LYPLAL1: variants seen among roughly 807,000 people sequenced by gnomAD.
LYPLAL1 encodes lysophospholipase-like protein 1.
Under a neutral mutation model 19.7 loss-of-function variants are expected in LYPLAL1, and 23 were observed. The observed-to-expected ratio is 1.17, with a 90% CI of 0.84 to 1.65. The LOEUF (loss-of-function observed/expected upper bound fraction) is 1.65. Among genes scored for constraint, LYPLAL1 ranks in the 40% most tolerant of loss-of-function variants. The pLI, the probability that LYPLAL1 is intolerant of heterozygous loss-of-function variation, is 0.00. For synonymous variants in LYPLAL1, 119 were observed against 96.3 expected, an observed-to-expected ratio of 1.24 and a Z score of -1.38; for missense variants, 355 against 279.4, an observed-to-expected ratio of 1.27 and a Z score of -1.93.
At chr1:219,237,640 T>A in the LYPLAL1 span, among the ~76,000 whole-genome samples, 43 of 152,344 alleles carry the variant, frequency 2.8e-4, no homozygotes, top group African/African-American at 1.0e-3. Flanking sequence ...AGTTTTTGTC[T>A]GTTTGTTGTT....
intron 3 of LYPLAL1, among the ~76,000 whole-genome samples, chr1:219,205,415 A>G (rs932396426): frequency 6.6e-6 from 1 of 152,050 alleles, no homozygotes; most frequent in Non-Finnish European, 1.5e-5. Flanking sequence ...TATGTGTTCA[A>G]TTAAAAATAA....
chr1:219,346,534 C>T, the LYPLAL1 span, among the ~76,000 whole-genome samples: 4 of 147,824 alleles, frequency 2.7e-5, no homozygotes, highest in Non-Finnish European at 5.9e-5. Context: ...CATAAGAGGG[C>T]TTTGGTACTG....
intron 2 of LYPLAL1, chr1:219,179,464 AAGC>A: frequency 2.2e-6 from 1 of 464,660 alleles, no homozygotes; most frequent in Non-Finnish European, 3.8e-6. Flanking sequence ...GCATTCCCTA[AAGC>A]TCTGAATTTA....
At chr1:219,372,731 C>T in the LYPLAL1 span, among the ~76,000 whole-genome samples, 1 of 151,902 alleles carries the variant, frequency 6.6e-6, no homozygotes, top group Non-Finnish European at 1.5e-5. Flanking sequence ...GAAACCCTGC[C>T]TCTACAAAAA....
intron 3 of LYPLAL1, among the ~76,000 whole-genome samples, chr1:219,202,792 C>G (rs1658223538): frequency 1.3e-5 from 2 of 151,946 alleles, no homozygotes; most frequent in South Asian, 2.1e-4. Flanking sequence ...CCTCCTGCAT[C>G]AGCCTCTTGA....
the LYPLAL1 span, among the ~76,000 whole-genome samples, chr1:219,323,751 A>C: frequency 7.9e-5 from 12 of 152,118 alleles, no homozygotes; most frequent in Admixed American, 3.9e-4. Flanking sequence ...AATAATAAAA[A>C]CCTTAGAAAA....
intron 2 of LYPLAL1, among the ~76,000 whole-genome samples, chr1:219,187,717 T>C (rs182798842): frequency 6.6e-6 from 1 of 151,892 alleles, no homozygotes; most frequent in East Asian, 1.9e-4. Context: ...AACTAGGCAC[T>C]TTTTATTTAG....
chr1:219,361,654 C>T, the LYPLAL1 span, among the ~76,000 whole-genome samples: 1 of 152,068 alleles, frequency 6.6e-6, no homozygotes, highest in Non-Finnish European at 1.5e-5. Flanking sequence ...GTCCAAGGAG[C>T]TTTTTCAGTG....
the LYPLAL1 span, among the ~76,000 whole-genome samples, chr1:219,429,668 AAAAT>A: frequency 2.6e-5 from 4 of 152,156 alleles, no homozygotes; most frequent in Non-Finnish European, 2.9e-5. Flanking sequence ...AAAAAATAAA[AAAAT>A]AAATAAATAA....
intron 3 of LYPLAL1, among the ~76,000 whole-genome samples, chr1:219,202,719 C>A (rs1209328015): frequency 6.6e-6 from 1 of 152,096 alleles, no homozygotes; most frequent in Admixed American, 6.6e-5. Flanking sequence ...GCTGTGTTGC[C>A]CAGGCTGAAG....
At chr1:219,418,748 A>G in the LYPLAL1 span, among the ~76,000 whole-genome samples, 1 of 152,198 alleles carries the variant, frequency 6.6e-6, no homozygotes, top group Admixed American at 6.5e-5. Context: ...CATTATAGTA[A>G]CATATAAAGT....
intron 3 of LYPLAL1, chr1:219,200,691 C>A: frequency 8.1e-6 from 2 of 247,870 alleles, no homozygotes. Context: ...GCCAAAAGAG[C>A]TACACATCTT....
the LYPLAL1 span, among the ~76,000 whole-genome samples, chr1:219,350,594 C>A: frequency 6.6e-6 from 1 of 151,692 alleles, no homozygotes; most frequent in South Asian, 2.1e-4. Flanking sequence ...TAGAGCTGAG[C>A]AGAGTGAGTG....
downstream of LYPLAL1, among the ~76,000 whole-genome samples, chr1:219,214,168 G>T (rs1445605873): frequency 3.9e-5 from 6 of 152,056 alleles, no homozygotes; most frequent in African/African-American, 1.4e-4. Context: ...TCTTCAGTCT[G>T]TTACTGTGGT....
chr1:219,400,238 A>T, the LYPLAL1 span, among the ~76,000 whole-genome samples: 1 of 151,738 alleles, frequency 6.6e-6, no homozygotes, highest in Non-Finnish European at 1.5e-5. Flanking sequence ...CAGTTGTCTC[A>T]GCCCTTTGGT....
chr1:219,179,427 G>A (rs550314132), intron 2 of LYPLAL1, 181 bp downstream of exon 2: 5 of 549,944 alleles, frequency 9.1e-6, no homozygotes, highest in African/African-American at 2.0e-5. Flanking sequence ...GTTTTGCCAG[G>A]TGAGTAATTT....
chr1:219,409,348 C>G, the LYPLAL1 span, among the ~76,000 whole-genome samples: 1 of 151,726 alleles, frequency 6.6e-6, no homozygotes, highest in Non-Finnish European at 1.5e-5. Context: ...ACTCTGGAGG[C>G]TGAGGTGGGA....
the LYPLAL1 span, among the ~76,000 whole-genome samples, chr1:219,441,740 G>T: frequency 2.0e-3 from 297 of 152,268 alleles, no homozygotes; most frequent in Non-Finnish European, 3.1e-3. Flanking sequence ...GACAGAGAAA[G>T]AGCCACTGCC....
chr1:219,373,164 T>C, the LYPLAL1 span, among the ~76,000 whole-genome samples: 1 of 152,242 alleles, frequency 6.6e-6, no homozygotes. Context: ...TGCGTACATG[T>C]AGCTATGACT....
Sources: gnomAD v4.1 joint callset for allele counts (sites outside exome capture counted in the v4.1 genomes callset) on GRCh38, gnomAD v4.1.1 for gene constraint, MANE v1.5 for transcripts, NCBI Gene and HGNC (gene_info 2026-07-23, HGNC 2026-07-21) for gene names.